The following UNC5D variants were observed in gnomAD, a reference collection of about 807,000 sequenced individuals.
UNC5D encodes the protein unc-5 netrin receptor D, also known as netrin receptor UNC5D.
In UNC5D, 39 loss-of-function variants were observed where a neutral mutation model predicts 105.4. The ratio of observed to expected loss-of-function variants is 0.37; its 90% CI spans 0.29 to 0.48. The LOEUF is 0.48. UNC5D is among the 20% of genes least tolerant of loss of function. The pLI is 0.98. For synonymous variants in UNC5D, 452 were observed against 450.4 expected, an observed-to-expected ratio of 1.00 and a Z score of -0.04; for missense variants, 991 against 1,202.4, an observed-to-expected ratio of 0.82 and a Z score of 2.60.
chr8:35,336,585 A>G (rs1236486191), intron 1 of UNC5D, among the ~76,000 whole-genome samples: 1 of 152,176 alleles, frequency 6.6e-6, no homozygotes, highest in Non-Finnish European at 1.5e-5. Context: ...CACAGGAGAC[A>G]CAGCTGAGCT....
intron 13 of UNC5D, among the ~76,000 whole-genome samples, chr8:35,754,507 C>T (rs930537122): frequency 2.0e-5 from 3 of 152,156 alleles, no homozygotes; most frequent in African/African-American, 7.2e-5. Context: ...ATTCATGTCT[C>T]ACTGGGAGAT....
intron 14 of UNC5D, among the ~76,000 whole-genome samples, chr8:35,765,320 T>C (rs1379805278): frequency 6.6e-6 from 1 of 152,172 alleles, no homozygotes; most frequent in East Asian, 1.9e-4. Flanking sequence ...ATGGCAAAGA[T>C]AGAGTTCCAT....
chr8:35,567,945 G>T (rs567389234), intron 2 of UNC5D, among the ~76,000 whole-genome samples, 153 bp from the exon 3 acceptor site: 54 of 152,258 alleles, frequency 3.5e-4, no homozygotes, highest in African/African-American at 1.2e-3. Context: ...AATTTAATTA[G>T]CAGTAATATA....
intron 4 of UNC5D, among the ~76,000 whole-genome samples, chr8:35,635,180 G>A (rs1313383417): frequency 1.3e-5 from 2 of 152,112 alleles, no homozygotes; most frequent in Non-Finnish European, 2.9e-5. Context: ...TGGGGAGACT[G>A]TATCCCTTAT....
At chr8:35,656,371 T>C (rs1352706243) in intron 4 of UNC5D, among the ~76,000 whole-genome samples, 3 of 152,214 alleles carry the variant, frequency 2.0e-5, no homozygotes, top group Admixed American at 6.5e-5. Context: ...CAATGCCATA[T>C]GGTATATCAG....
intron 1 of UNC5D, among the ~76,000 whole-genome samples, chr8:35,401,030 C>A (rs1006901473): frequency 1.5e-4 from 23 of 152,016 alleles, no homozygotes; most frequent in African/African-American, 5.6e-4. Context: ...CTAAAATTAC[C>A]AGAAATAAAC....
rs1446403639 is a variant in UNC5D, at chr8:35,235,868, A to G, written c.84A>G (p.Ala28=). ...GGCTGGGGCTGTGCTTCTGGGCGGC[A>G]GGGACCGCGGCTGCCCGAGGTAAGC... The part of the protein sequence containing the change: ...LPWLGLCFWA[A]GTAAARGTDN... The change falls in exon 1 of 17, where the codon GCA becomes GCG. Residue 28 remains alanine (A), a synonymous_variant. Coordinates refer to ENST00000404895, the MANE Select transcript of UNC5D (RefSeq NM_080872.4). 3.3e-6 allele frequency: 4 copies of G among 1,229,452 alleles called. No individual in the cohort carries two copies. Among genetic ancestry groups the G allele is most frequent in the Non-Finnish European group, 4.1e-6 (4 of 986,398 alleles). 76.2% of individuals were successfully genotyped at this position (1,229,452 alleles called of 1,614,324 possible). A position where few individuals can be genotyped will look rare whatever the true frequency, so the allele number is the denominator to read the frequency against.
chr8:35,701,740 A>G (rs1827216862), intron 7 of UNC5D, among the ~76,000 whole-genome samples: 1 of 151,996 alleles, frequency 6.6e-6, no homozygotes, highest in Non-Finnish European at 1.5e-5. Flanking sequence ...ACAATTCCAC[A>G]TTTTTATAGG....
intron 4 of UNC5D, among the ~76,000 whole-genome samples, chr8:35,622,247 C>T (rs1821404390): frequency 6.6e-6 from 1 of 152,122 alleles, no homozygotes; most frequent in African/African-American, 2.4e-5. Flanking sequence ...GAGGCTGAGG[C>T]AGGAGAATCG....
intron 1 of UNC5D, among the ~76,000 whole-genome samples, chr8:35,342,012 G>C (rs544301495): frequency 1.3e-5 from 2 of 151,576 alleles, no homozygotes; most frequent in Non-Finnish European, 2.9e-5. Flanking sequence ...TTTTTTCCCC[G>C]TTGTTTAAGT....
chr8:35,367,915 C>T (rs779400269), intron 1 of UNC5D, among the ~76,000 whole-genome samples: 5 of 152,286 alleles, frequency 3.3e-5, no homozygotes, highest in South Asian at 2.1e-4. Context: ...CTCTCTCCCT[C>T]GTTTGTTTCT....
Position 35,251,882 on chromosome 8 carries a change from T to C in UNC5D, c.103+15995T>C, listed in dbSNP as rs187912741. On this transcript the variant is annotated intron_variant, in intron 1 of 16. Transcript: ENST00000404895. ...CGGAGTAGGGTGAGGCCCTAGTCAC[T>C]GTCTACTGTTAACCAAAAGAGGTGG... Among the ~76,000 whole-genome samples, 397 of 152,278 alleles carry C rather than the reference T, an allele frequency of 2.6e-3. 2 individuals are homozygous for C. Among genetic ancestry groups the C allele is most frequent in the African/African-American group, 9.3e-3 (385 of 41,548 alleles).
At chr8:35,472,881 C>T (rs560813458) in intron 1 of UNC5D, among the ~76,000 whole-genome samples, 2 of 152,208 alleles carry the variant, frequency 1.3e-5, no homozygotes, top group Admixed American at 1.3e-4. Flanking sequence ...ATAAAGATCC[C>T]GGGATGAAAG....
At chr8:35,490,148 C>T (rs1811109108) in intron 1 of UNC5D, among the ~76,000 whole-genome samples, 1 of 152,106 alleles carries the variant, frequency 6.6e-6, no homozygotes, top group Admixed American at 6.6e-5. Context: ...TAGCAATTTC[C>T]TTTCCTCTCT....
intron 7 of UNC5D, among the ~76,000 whole-genome samples, chr8:35,694,145 C>G (rs1299968685): frequency 6.6e-6 from 1 of 152,094 alleles, no homozygotes; most frequent in African/African-American, 2.4e-5. Context: ...ATCTTAGAAC[C>G]AGCTCGTCGG....
intron 1 of UNC5D, among the ~76,000 whole-genome samples, chr8:35,273,960 C>T (rs557581662): frequency 5.4e-4 from 82 of 151,342 alleles, no homozygotes; most frequent in African/African-American, 2.0e-3. Flanking sequence ...ATTTTTATGC[C>T]TTTTATGGAG....
intron 1 of UNC5D, among the ~76,000 whole-genome samples, chr8:35,390,936 T>A (rs772891541): frequency 1.6e-4 from 24 of 152,126 alleles, no homozygotes; most frequent in Non-Finnish European, 3.4e-4. Context: ...AAGCAGTTGG[T>A]TTTTAGTGGG....
chr8:35,499,084 A>C (rs1310491894), intron 1 of UNC5D, among the ~76,000 whole-genome samples: 1 of 152,178 alleles, frequency 6.6e-6, no homozygotes. Flanking sequence ...TCTGCAAATC[A>C]AGTTGAGGGA....
At chr8:35,536,786 AG>A (rs1188935439) in intron 1 of UNC5D, among the ~76,000 whole-genome samples, 1 of 152,178 alleles carries the variant, frequency 6.6e-6, no homozygotes, top group Non-Finnish European at 1.5e-5. Context: ...TCATGCAGTC[AG>A]GAGTTTGAGA....
Sources: allele counts gnomAD v4.1 joint callset (sites outside exome capture counted in the v4.1 genomes callset), GRCh38; gene constraint gnomAD v4.1.1; transcripts MANE v1.5; gene names NCBI Gene and HGNC (gene_info 2026-07-23, HGNC 2026-07-21).